LRP1B: variants seen among roughly 807,000 people sequenced by gnomAD.
LRP1B encodes low-density lipoprotein receptor-related protein 1B.
A neutral mutation model predicts 556.6 loss-of-function variants in LRP1B; 217 were observed. The ratio of observed to expected loss-of-function variants is 0.39; its 90% CI spans 0.35 to 0.44. The LOEUF (loss-of-function observed/expected upper bound fraction) is 0.44. Among genes scored for constraint, LRP1B ranks in the 20% least tolerant of loss-of-function variants. The pLI is 1.00. For synonymous variants in LRP1B, 2,047 were observed against 1,865.8 expected (o/e 1.10, Z -2.50); for missense variants, 5,053 against 5,620.8 (o/e 0.90, Z 3.23).
At chr2:140,965,817 T>TTTTC (rs397935319) in intron 18 of LRP1B, among the ~76,000 whole-genome samples, 2 of 151,152 alleles carry the variant, frequency 1.3e-5, no homozygotes, top group East Asian at 2.0e-4. Context: ...TTTTTTTTTT[T>TTTTC]CCCTGCAATA....
intron 66 of LRP1B, among the ~76,000 whole-genome samples, chr2:140,398,537 T>TTGTTGTTGTTG (rs1270863571): frequency 7.9e-5 from 7 of 88,530 alleles, no homozygotes; most frequent in East Asian, 4.7e-4. Context: ...TGTTGTTGTT[T>TTGTTGTTGTTG]TTGTTTTGAG....
intron 61 of LRP1B, among the ~76,000 whole-genome samples, 173 bp from the exon 62 acceptor site, chr2:140,456,776 AT>A (rs1322113534): frequency 6.6e-6 from 1 of 152,200 alleles, no homozygotes; most frequent in Non-Finnish European, 1.5e-5. Context: ...AATGCTACTC[AT>A]TGTCCATTGA....
chr2:140,473,634 A>G (rs1232787377), intron 60 of LRP1B, among the ~76,000 whole-genome samples: 1 of 151,918 alleles, frequency 6.6e-6, no homozygotes, highest in African/African-American at 2.4e-5. Flanking sequence ...TCAGACTTCA[A>G]AGACTCAAAT....
At chr2:141,608,753 T>C (rs1688007862) in intron 2 of LRP1B, among the ~76,000 whole-genome samples, 1 of 152,240 alleles carries the variant, frequency 6.6e-6, no homozygotes, top group South Asian at 2.1e-4. Flanking sequence ...TAATCCTATA[T>C]ATAGGACACT....
intron 31 of LRP1B, among the ~76,000 whole-genome samples, chr2:140,823,756 T>C (rs143397400): frequency 0.011 from 1,637 of 151,914 alleles, 19 homozygotes; most frequent in Non-Finnish European, 0.019. Context: ...TTTATCCAAT[T>C]ATTTGCATAG....
chr2:140,698,752 GA>G (rs1237518639), intron 41 of LRP1B, among the ~76,000 whole-genome samples: 3 of 152,050 alleles, frequency 2.0e-5, no homozygotes, highest in Non-Finnish European at 4.4e-5. Flanking sequence ...TGTGGAATCT[GA>G]AACCATAGTG....
At chr2:141,416,855 T>C (rs916418900) in intron 3 of LRP1B, among the ~76,000 whole-genome samples, 2 of 152,176 alleles carry the variant, frequency 1.3e-5, no homozygotes, top group Non-Finnish European at 2.9e-5. Context: ...CCTAGCCCTG[T>C]CTTTCAAGGA....
intron 1 of LRP1B, among the ~76,000 whole-genome samples, chr2:142,080,156 A>G (rs1705658922): frequency 6.6e-6 from 1 of 152,080 alleles, no homozygotes; most frequent in Non-Finnish European, 1.5e-5. Context: ...GCATCCCCAC[A>G]TGTGTCAAAT....
At position 141,042,589 on chromosome 2, in the gene LRP1B, C is replaced by A. The variant is rs192581466; in HGVS notation, c.1789+6397G>T. Among the ~76,000 whole-genome samples the A allele has an allele frequency of 1.1e-4, 16 of 152,144 alleles. No individual in the cohort carries two copies. The East Asian group carries it at 2.9e-3, about 28-fold the overall frequency. ...CTTGACAAGTGGTATCACTTACTAG[C>A]TATGTAACTTTGAGAAAAGACTTCA... On this transcript the variant is annotated intron_variant, in intron 11 of 90. Coordinates refer to ENST00000389484, the MANE Select transcript of LRP1B (RefSeq NM_018557.3).
At chr2:141,024,240 T>C (rs1380686100) in intron 11 of LRP1B, among the ~76,000 whole-genome samples, 2 of 151,980 alleles carry the variant, frequency 1.3e-5, no homozygotes, top group Non-Finnish European at 2.9e-5. Context: ...ATACCACCTG[T>C]CCCTAATGGC....
chr2:141,806,711 TC>T (rs1397605444), intron 2 of LRP1B, among the ~76,000 whole-genome samples: 1 of 152,028 alleles, frequency 6.6e-6, no homozygotes, highest in Non-Finnish European at 1.5e-5. Context: ...CTTTCAGATT[TC>T]TAAGTATCTA....
At chr2:141,402,795 T>C (rs557075179) in intron 3 of LRP1B, among the ~76,000 whole-genome samples, 1 of 152,244 alleles carries the variant, frequency 6.6e-6, no homozygotes, top group East Asian at 1.9e-4. Flanking sequence ...TATTGAGATA[T>C]TTCAAAATTA....
At position 141,247,232 on chromosome 2, in the gene LRP1B, T is replaced by C; in HGVS notation, c.586A>G (p.Lys196Glu). Residue 196 changes from lysine to glutamate, a missense_variant, in exon 5 of 91, where the codon AAA becomes GAA. Coordinates refer to ENST00000389484, the MANE Select transcript of LRP1B (RefSeq NM_018557.3). ...ATAAATGGTCATAACTTACCAATTT[T>C]AGCCTTGCAAGATCTGTTGTCTGGC... ...MQPDNRSCKA[K>E]IEPTDRPPIL... is the part of the protein sequence containing the mutation. The C allele has an allele frequency of 1.9e-6, 3 of 1,613,732 alleles. No homozygotes were observed. Among genetic ancestry groups the C allele is most frequent in the Non-Finnish European group, 1.7e-6 (2 of 1,179,752 alleles).
At chr2:141,320,342 C>T (rs1427148037) in intron 3 of LRP1B, among the ~76,000 whole-genome samples, 3 of 152,102 alleles carry the variant, frequency 2.0e-5, no homozygotes, top group African/African-American at 7.2e-5. Flanking sequence ...AATAAAATAA[C>T]ATCAAAGTGT....
At chr2:140,675,509 C>T (rs1685639098) in intron 41 of LRP1B, among the ~76,000 whole-genome samples, 1 of 152,144 alleles carries the variant, frequency 6.6e-6, no homozygotes, top group Admixed American at 6.5e-5. Flanking sequence ...TTATTTCATA[C>T]TGTTCTTAAT....
At chr2:141,528,273 T>C (rs779148386) in intron 2 of LRP1B, among the ~76,000 whole-genome samples, 8 of 151,924 alleles carry the variant, frequency 5.3e-5, no homozygotes, top group Admixed American at 1.3e-4. Context: ...ATACCCGTTG[T>C]AGTTGTCCAG....
At chr2:141,228,873 A>T (rs1016189886) in intron 6 of LRP1B, among the ~76,000 whole-genome samples, 2 of 152,134 alleles carry the variant, frequency 1.3e-5, no homozygotes, top group African/African-American at 2.4e-5. Flanking sequence ...TCCCACCTTC[A>T]CTATCACATT....
intron 4 of LRP1B, among the ~76,000 whole-genome samples, chr2:141,248,564 G>C (rs998451207): frequency 6.6e-6 from 1 of 152,100 alleles, no homozygotes; most frequent in Non-Finnish European, 1.5e-5. Flanking sequence ...TGGCATCATG[G>C]GGATTTCAAA....
intron 41 of LRP1B, among the ~76,000 whole-genome samples, chr2:140,657,441 A>C (rs1210588342): frequency 6.6e-6 from 1 of 151,568 alleles, no homozygotes; most frequent in African/African-American, 2.4e-5. Context: ...TAGATCATAC[A>C]TTGAATGATT....
Sources: allele counts gnomAD v4.1 joint callset (sites outside exome capture counted in the v4.1 genomes callset), GRCh38; gene constraint gnomAD v4.1.1; transcripts MANE v1.5; gene names NCBI Gene and HGNC (gene_info 2026-07-23, HGNC 2026-07-21).